GLG1: variants seen among roughly 807,000 people sequenced by gnomAD.
The protein encoded by GLG1 is golgi glycoprotein 1.
A neutral mutation model predicts 160.5 loss-of-function variants in GLG1; 38 were observed. The ratio of observed to expected loss-of-function variants is 0.24; its 90% confidence interval spans 0.18 to 0.31. GLG1 has a LOEUF of 0.31. GLG1 is among the 10% of genes least tolerant of loss of function. GLG1 has a pLI of 1.00. For synonymous variants in GLG1, 644 were observed against 543.4 expected (o/e 1.19, Z -2.57); for missense variants, 1,373 against 1,505.2 (o/e 0.91, Z 1.45).
chr16:74,483,698 G>A (rs1051466319), intron 9 of GLG1, among the ~76,000 whole-genome samples: 12 of 144,454 alleles, frequency 8.3e-5, no homozygotes, highest in African/African-American at 2.3e-4. Flanking sequence ...TCGCTCTGTC[G>A]CCCAGGCTGG....
In GLG1 at chr16:74,575,197, G is replaced by T. The variant is rs567145286; in HGVS notation, c.438+31460C>A. Among the ~76,000 whole-genome samples, 15 of 151,854 alleles carry T rather than the reference G, an allele frequency of 9.9e-5. 1 individual carries two copies. Among genetic ancestry groups the T allele is most frequent in the African/African-American group, 3.6e-4 (15 of 41,392 alleles). On this transcript the variant is annotated intron_variant, in intron 1 of 25. Transcript: ENST00000422840. Reference sequence around the variant, plus strand: ...GGAGGCAGAGGCTGTAGTGAGCTGAGATCACACCACTGCACTCCAGCCTAG... The same window carrying T: ...GGAGGCAGAGGCTGTAGTGAGCTGATATCACACCACTGCACTCCAGCCTAG...
intron 1 of GLG1, among the ~76,000 whole-genome samples, chr16:74,597,321 C>T (rs1958328740): frequency 6.6e-6 from 1 of 151,198 alleles, no homozygotes; most frequent in Non-Finnish European, 1.5e-5. Context: ...GTCCCAGCTA[C>T]TCAGGAGGCT....
At chr16:74,512,025 G>C (rs187416680) in intron 2 of GLG1, among the ~76,000 whole-genome samples, 1 of 151,942 alleles carries the variant, frequency 6.6e-6, no homozygotes, top group Non-Finnish European at 1.5e-5. Context: ...TATTCACAAG[G>C]ATGGGCAACA....
At chr16:74,558,326 A>G (rs1024534126) in intron 1 of GLG1, among the ~76,000 whole-genome samples, 3 of 152,228 alleles carry the variant, frequency 2.0e-5, no homozygotes, top group Admixed American at 2.0e-4. Context: ...AGTATCAGCA[A>G]AAAGAAGCAT....
At position 74,491,213 on chromosome 16, in the gene GLG1, G is replaced by A. The variant is rs778749401; in HGVS notation, c.1237C>T (p.Arg413Ter). ...CCCTGGCACTCACTGCTGACTTGTC[G>A]CCCTAAGTTAGGATGTAAGTCATAA... ...MCLESAVHRG[R>*]QVSSECQGEM... is the part of the protein sequence containing the mutation. Residue 413 changes from arginine to a stop codon, truncating the protein, a stop_gained and splice_region_variant, in exon 8 of 26, where the codon CGA becomes TGA. Transcript: ENST00000422840. LOFTEE classifies it high-confidence loss of function. The A allele has an allele frequency of 1.2e-6, 2 of 1,610,708 alleles. No homozygotes were observed. The highest frequency in any genetic ancestry group is 1.7e-5 in the Admixed American group (1 of 59,994).
intron 3 of GLG1, among the ~76,000 whole-genome samples, chr16:74,504,980 A>G (rs1012771973): frequency 3.3e-5 from 5 of 152,260 alleles, no homozygotes; most frequent in African/African-American, 7.2e-5. Context: ...CATTTGGGGA[A>G]ATTAAGACAA....
chr16:74,559,370 G>A (rs572579135), intron 1 of GLG1, among the ~76,000 whole-genome samples: 2 of 151,856 alleles, frequency 1.3e-5, no homozygotes, highest in East Asian at 1.9e-4. Flanking sequence ...TTTGAGCCCA[G>A]GAGTTTGAGG....
chr16:74,559,296 A>T (rs2018440342), intron 1 of GLG1, among the ~76,000 whole-genome samples: 1 of 151,636 alleles, frequency 6.6e-6, no homozygotes, highest in African/African-American at 2.4e-5. Flanking sequence ...AAAAAAACTT[A>T]GCTGGGCATG....
intron 25 of GLG1, among the ~76,000 whole-genome samples, chr16:74,453,877 A>AT (rs34556886): frequency 0.34 from 49,568 of 144,136 alleles, 8,505 homozygotes; most frequent in African/African-American, 0.39. Context: ...TGTAAATTCT[A>AT]TTTTTTTTTT....
chr16:74,578,836 T>A (rs1957870941), intron 1 of GLG1, among the ~76,000 whole-genome samples: 1 of 152,168 alleles, frequency 6.6e-6, no homozygotes, highest in Non-Finnish European at 1.5e-5. Context: ...AAAACAAGAT[T>A]TAGGATAAGG....
At chr16:74,464,347 C>T (rs11644342) in intron 19 of GLG1, among the ~76,000 whole-genome samples, 110 of 152,254 alleles carry the variant, frequency 7.2e-4, no homozygotes, top group Non-Finnish European at 1.0e-3. Flanking sequence ...GGCTAAGGAC[C>T]CACTTGGTTC....
Position 74,492,974 on chromosome 16 carries a change from T to C in GLG1, c.1217A>G (p.Glu406Gly). 1 of 1,611,576 alleles carries C rather than the reference T, an allele frequency of 6.2e-7. No homozygotes were observed. Among genetic ancestry groups the C allele is most frequent in the Non-Finnish European group, 8.5e-7 (1 of 1,178,482 alleles). The change falls in exon 7 of 26, where the codon GAG becomes GGG. Residue 406 changes from glutamate (E) to glycine (G), a missense_variant. Glu to Gly is a moderately conservative substitution (Grantham distance 98). Coordinates refer to ENST00000422840, the MANE Select transcript of GLG1 (RefSeq NM_001145667.2). Reference sequence around the variant, plus strand: ...AATGCTACCTCTGTGTACAGCTGACTCCAGGCACATTAACAAGTAGGAGAG... The same window carrying C: ...AATGCTACCTCTGTGTACAGCTGACCCCAGGCACATTAACAAGTAGGAGAG... ...ARLSYLLMCL[E>G]SAVHRGRQVS...
At chr16:74,558,964 T>C (rs2018428815) in intron 1 of GLG1, among the ~76,000 whole-genome samples, 1 of 152,198 alleles carries the variant, frequency 6.6e-6, no homozygotes. Flanking sequence ...CATAGCTTAC[T>C]GCATCCCAGA....
In GLG1 at chr16:74,557,912, T is replaced by C. The variant is rs368848366; in HGVS notation, c.439-25759A>G. 1.6e-4 allele frequency among the ~76,000 whole-genome samples: 24 copies of C among 152,218 alleles called. No homozygotes were observed. In the South Asian group the frequency reaches 2.9e-3, roughly 18 times the overall value. On this transcript the variant is annotated intron_variant, in intron 1 of 25. Coordinates refer to ENST00000422840, the MANE Select transcript of GLG1 (RefSeq NM_001145667.2). ...AGAAAGTGTCCTGTCTTGAAGATTGTGCTGAGGGGATAATGAGTCCTTTTT... is the reference window on the plus strand; with the variant it reads ...AGAAAGTGTCCTGTCTTGAAGATTGCGCTGAGGGGATAATGAGTCCTTTTT...
chr16:74,471,369 C>A, intron 14 of GLG1, 83 bp from the exon 15 acceptor site: 1 of 793,728 alleles, frequency 1.3e-6, no homozygotes, highest in Non-Finnish European at 2.2e-6. Context: ...CAAATGCAAG[C>A]AAGGTTAGTT....
chr16:74,457,822 T>C (rs2014618600), intron 24 of GLG1, 52 bp downstream of exon 24: 3 of 1,571,940 alleles, frequency 1.9e-6, no homozygotes, highest in Non-Finnish European at 1.7e-6. Context: ...AGGGAGTCTT[T>C]GCTCTTCCCA....
chr16:74,460,455 C>T (rs2014745071), intron 22 of GLG1, among the ~76,000 whole-genome samples: 1 of 152,214 alleles, frequency 6.6e-6, no homozygotes, highest in Admixed American at 6.5e-5. Flanking sequence ...CCACACCCGG[C>T]CTGAACTGAC....
chr16:74,542,670 CA>C lies in GLG1; in HGVS notation c.439-10518del, dbSNP rs1169433529. Reference sequence around the variant, plus strand: ...CTGGGTGACAAAAGCGAAACTCTGTCAAAAAAAAAAAAGGGAAGGGAAGGAG... The same window carrying C: ...CTGGGTGACAAAAGCGAAACTCTGTCAAAAAAAAAAAGGGAAGGGAAGGAG... On this transcript the variant is annotated intron_variant, in intron 1 of 25. Coordinates refer to ENST00000422840, the MANE Select transcript of GLG1 (RefSeq NM_001145667.2). Among the ~76,000 whole-genome samples the C allele has an allele frequency of 8.4e-4, 64 of 76,252 alleles. 1 individual carries two copies. Among genetic ancestry groups the C allele is most frequent in the Admixed American group, 4.5e-3 (25 of 5,580 alleles). The allele number at this position is 76,252 out of a possible 152,430, so 50.0% of individuals were successfully genotyped here.
At chr16:74,597,022 G>T (rs974383254) in intron 1 of GLG1, among the ~76,000 whole-genome samples, 1 of 152,212 alleles carries the variant, frequency 6.6e-6, no homozygotes, top group South Asian at 2.1e-4. Context: ...AGGAGGCTGA[G>T]GTGGGATGAT....
Sources: allele counts gnomAD v4.1 joint callset (sites outside exome capture counted in the v4.1 genomes callset), GRCh38; gene constraint gnomAD v4.1.1; transcripts MANE v1.5; gene names NCBI Gene and HGNC (gene_info 2026-07-23, HGNC 2026-07-21).